The following ADAMTSL1 variants were observed in gnomAD, a reference collection of about 807,000 sequenced individuals.
ADAMTSL1 encodes the protein ADAMTS like 1.
ADAMTSL1 carries 126 observed loss-of-function variants against 201.8 expected under a neutral mutation model. The observed-to-expected ratio is 0.62, with a 90% confidence interval of 0.54 to 0.72. The LOEUF is 0.72. Among genes scored for constraint, ADAMTSL1 ranks in the 30% least tolerant of loss-of-function variants. The pLI is 0.00. For synonymous variants in ADAMTSL1, 1,121 were observed against 903.4 expected (o/e 1.24, Z -4.32); for missense variants, 2,679 against 2,277.8 (o/e 1.18, Z -3.59).
intron 2 of ADAMTSL1, among the ~76,000 whole-genome samples, chr9:18,226,282 G>A (rs571808569): frequency 2.6e-5 from 4 of 152,164 alleles, no homozygotes; most frequent in South Asian, 4.1e-4. Flanking sequence ...GTAGCAGACC[G>A]TCTCTCTCAG....
At position 18,680,566 on chromosome 9, in the gene ADAMTSL1, C is replaced by T. The variant is rs781766660; in HGVS notation, c.1341+50C>T. 8 of 1,593,904 alleles carry T rather than the reference C, an allele frequency of 5.0e-6. No homozygotes were observed. The South Asian group carries it at 5.5e-5, about 11-fold the overall frequency. ...CATTAGGAGAGTAAGTCCACTCTTCCCTCTCATCATCATGGCCCCACCGGG... is the reference window on the plus strand; with the variant it reads ...CATTAGGAGAGTAAGTCCACTCTTCTCTCTCATCATCATGGCCCCACCGGG... On this transcript the variant is annotated intron_variant, in intron 11 of 28. Coordinates refer to ENST00000380548, the MANE Select transcript of ADAMTSL1 (RefSeq NM_001040272.6).
rs543964805 is a variant in ADAMTSL1, at chr9:18,158,769, C to A, written c.88-5093C>A. ...TATTTTAGTCCTTTGTGTGCATGTCCTTCCAACCAGAAGTTAATTATACTT... is the reference window on the plus strand; with the variant it reads ...TATTTTAGTCCTTTGTGTGCATGTCATTCCAACCAGAAGTTAATTATACTT... On this transcript the variant is annotated intron_variant, in intron 1 of 29. Transcript: ENST00000680146. 2.7e-4 allele frequency among the ~76,000 whole-genome samples: 41 copies of A among 152,056 alleles called. No homozygotes were observed. In the Middle Eastern group the frequency reaches 0.01, roughly 38 times the overall value.
At chr9:18,018,186 C>T (rs1820335767) in intron 1 of ADAMTSL1, among the ~76,000 whole-genome samples, 1 of 152,036 alleles carries the variant, frequency 6.6e-6, no homozygotes, top group Non-Finnish European at 1.5e-5. Flanking sequence ...AGTTTGGTGA[C>T]TCTTGCTTAA....
chr9:18,626,876 TTC>T (rs1826408497), intron 5 of ADAMTSL1, among the ~76,000 whole-genome samples: 2 of 89,544 alleles, frequency 2.2e-5, no homozygotes, highest in Non-Finnish European at 4.3e-5. Flanking sequence ...TCTGTCTTTC[TTC>T]CTTCCTTCCT....
At chr9:18,245,732 A>G (rs986080251) in intron 2 of ADAMTSL1, among the ~76,000 whole-genome samples, 7 of 152,038 alleles carry the variant, frequency 4.6e-5, no homozygotes, top group Non-Finnish European at 8.8e-5. Flanking sequence ...GAGTAAAATT[A>G]ACAAAAAGCA....
At chr9:18,824,267 C>T (rs991237847) in intron 21 of ADAMTSL1, among the ~76,000 whole-genome samples, 15 of 152,110 alleles carry the variant, frequency 9.9e-5, no homozygotes, top group Non-Finnish European at 2.1e-4. Flanking sequence ...CTTGCTCTCC[C>T]TAGTGGTGCT....
At chr9:18,336,889 T>A (rs577143153) in intron 2 of ADAMTSL1, among the ~76,000 whole-genome samples, 2 of 152,318 alleles carry the variant, frequency 1.3e-5, no homozygotes, top group East Asian at 3.9e-4. Context: ...GATATTATAA[T>A]AAATATCATG....
intron 2 of ADAMTSL1, among the ~76,000 whole-genome samples, chr9:18,524,968 G>T (rs1818942918): frequency 6.6e-6 from 1 of 152,178 alleles, no homozygotes; most frequent in Admixed American, 6.5e-5. Context: ...AATGAGTGAG[G>T]GAGGATTCCC....
intron 1 of ADAMTSL1, among the ~76,000 whole-genome samples, chr9:18,063,760 T>G (rs1012565305): frequency 1.3e-5 from 2 of 152,172 alleles, no homozygotes; most frequent in African/African-American, 4.8e-5. Flanking sequence ...TACACTAGAA[T>G]CATCTTGTGA....
intron 2 of ADAMTSL1, among the ~76,000 whole-genome samples, chr9:18,281,278 T>G (rs1298053471): frequency 6.6e-6 from 1 of 151,910 alleles, no homozygotes; most frequent in Non-Finnish European, 1.5e-5. Flanking sequence ...AGGGAAAAGA[T>G]ATATATATAT....
chr9:18,826,322 A>T lies in ADAMTSL1; in HGVS notation c.3973A>T (p.Ser1325Cys). 1 of 1,613,376 alleles carries T rather than the reference A, an allele frequency of 6.2e-7. No homozygotes were observed. The highest frequency in any genetic ancestry group is 1.1e-5 in the South Asian group (1 of 90,944). The change falls in exon 22 of 29, where the codon AGC (serine) becomes TGC (cysteine). Residue 1325 changes from serine (S) to cysteine (C), a missense_variant. By Grantham distance (112) the Ser-to-Cys change is moderately radical (BLOSUM62 -1). Transcript: ENST00000380548. ...EAEVTWFRNK[S>C]KLGSPHHLHE... ...TGAAGTCACTTGGTTCAGGAATAAAAGCAAACTGGGCTCCCCGCACCATCT... is the reference window on the plus strand; with the variant it reads ...TGAAGTCACTTGGTTCAGGAATAAATGCAAACTGGGCTCCCCGCACCATCT...
At chr9:17,958,249 C>T (rs998664034) in intron 1 of ADAMTSL1, among the ~76,000 whole-genome samples, 10 of 152,078 alleles carry the variant, frequency 6.6e-5, no homozygotes, top group African/African-American at 2.4e-4. Flanking sequence ...TCTATTACAG[C>T]AGTGTGGTAT....
chr9:18,139,052 C>G (rs1229300818), intron 1 of ADAMTSL1, among the ~76,000 whole-genome samples: 2 of 152,084 alleles, frequency 1.3e-5, no homozygotes, highest in Non-Finnish European at 2.9e-5. Context: ...TTTCTCTTGC[C>G]TAGATGATAA....
chr9:18,348,186 T>G (rs1322251958), intron 2 of ADAMTSL1, among the ~76,000 whole-genome samples: 2 of 152,216 alleles, frequency 1.3e-5, no homozygotes, highest in African/African-American at 4.8e-5. Context: ...GATTTAGTAT[T>G]TTCTGTTTAT....
intron 17 of ADAMTSL1, among the ~76,000 whole-genome samples, chr9:18,772,354 CAG>C (rs1470194426): frequency 1.8e-4 from 28 of 152,122 alleles, no homozygotes; most frequent in Non-Finnish European, 2.8e-4. Flanking sequence ...GCATATGAGA[CAG>C]AGAAGATTCA....
intron 2 of ADAMTSL1, among the ~76,000 whole-genome samples, chr9:18,512,289 A>C (rs1463150160): frequency 6.6e-6 from 1 of 152,164 alleles, no homozygotes; most frequent in Non-Finnish European, 1.5e-5. Context: ...CGCTAAGGCC[A>C]ATGACTGAAT....
chr9:18,518,787 C>T (rs1041497215), intron 2 of ADAMTSL1, among the ~76,000 whole-genome samples: 4 of 152,184 alleles, frequency 2.6e-5, no homozygotes, highest in African/African-American at 9.7e-5. Flanking sequence ...CAGCTCGCTG[C>T]AACCTCTGCC....
intron 3 of ADAMTSL1, among the ~76,000 whole-genome samples, chr9:18,547,982 T>A (rs552987981): frequency 1.8e-4 from 27 of 151,408 alleles, no homozygotes; most frequent in East Asian, 7.8e-4. Context: ...AGGAAAAAAA[T>A]ATATATATAA....
At chr9:18,811,173 A>C (rs773301998) in intron 20 of ADAMTSL1, among the ~76,000 whole-genome samples, 2 of 152,090 alleles carry the variant, frequency 1.3e-5, no homozygotes, top group African/African-American at 2.4e-5. Flanking sequence ...CACTACCTGC[A>C]CCAGCAAAGG....
Sources: gnomAD v4.1 joint callset for allele counts (sites outside exome capture counted in the v4.1 genomes callset) on GRCh38, gnomAD v4.1.1 for gene constraint, MANE v1.5 for transcripts, NCBI Gene and HGNC (gene_info 2026-07-23, HGNC 2026-07-21) for gene names.